CILP2: variants seen among roughly 807,000 people sequenced by gnomAD.
CILP2 encodes the protein CILP-2.
A neutral mutation model predicts 45.6 loss-of-function variants in CILP2; 38 were observed. The observed-to-expected ratio is 0.83, with a 90% CI of 0.64 to 1.09. The LOEUF (loss-of-function observed/expected upper bound fraction) is 1.09, where lower values mean the gene tolerates loss of function less well. CILP2 is among the 50% of genes least tolerant of loss of function. The pLI is 0.00. For missense variants in CILP2, 1,735 were observed against 1,662.2 expected, an observed-to-expected ratio of 1.04 and a Z score of -0.76; for synonymous variants, 780 against 723.5, an observed-to-expected ratio of 1.08 and a Z score of -1.25.
In CILP2 at chr19:19,543,905, G is replaced by C. The variant is rs137977776; in HGVS notation, c.1360G>C (p.Val454Leu). Residue 454 changes from valine to leucine, a missense_variant, in exon 8 of 8, where the codon GTC becomes CTC. Transcript: ENST00000291495. ...ERREIHCPGY[V>L]LPVKVVAECG... ...AAGGGAGATTCACTGCCCTGGCTAC[G>C]TCCTCCCAGTGAAGGTGGTGGCAGA... The C allele has an allele frequency of 5.6e-6, 9 of 1,613,628 alleles. No individual in the cohort carries two copies. The African/African-American group carries it at 9.3e-5, about 17-fold the overall frequency.
chr19:19,546,004 G>A lies in CILP2; in HGVS notation c.3459G>A (p.Arg1153=), dbSNP rs1166652721. Residue 1153 remains arginine, a synonymous_variant, in exon 8 of 8, where the codon AGG becomes AGA. Transcript: ENST00000291495. ...ASGPLRTRRG[R]VRQ ...GTCCCCTCCGCACCCGCCGGGGTAG[G>A]GTCCGGCAGTGACCTGGGCAGGGGC... The A allele has an allele frequency of 2.7e-6, 4 of 1,486,188 alleles. No individual in the cohort carries two copies. The East Asian group carries it at 9.4e-5, about 35-fold the overall frequency. 92.1% of individuals were successfully genotyped at this position (1,486,188 alleles called of 1,614,324 possible).
chr19:19,545,084 A>G lies in CILP2; in HGVS notation c.2539A>G (p.Thr847Ala), dbSNP rs1410614738. ...CCTGGACAGGCTGGGGTACCGTCGG[A>G]CGGACCACGACGATCCCGCCTTCAA... ...PYLDRLGYRR[T>A]DHDDPAFKRN... Residue 847 changes from threonine (T) to alanine (A), a missense_variant, in exon 8 of 8, where the codon ACG becomes GCG. By Grantham distance (58) the Thr-to-Ala change is moderately conservative. Coordinates refer to ENST00000291495, the MANE Select transcript of CILP2 (RefSeq NM_153221.2). 2 of 1,609,908 alleles carry G rather than the reference A, an allele frequency of 1.2e-6. No homozygotes were observed. Among genetic ancestry groups the G allele is most frequent in the East Asian group, 4.5e-5 (2 of 44,832 alleles).
At chr19:19,542,686 G>C in intron 5 of CILP2, 36 bp downstream of exon 5, 1 of 1,605,816 alleles carries the variant, frequency 6.2e-7, no homozygotes, top group African/African-American at 1.3e-5. Flanking sequence ...TGAAGGGGCT[G>C]AGGATCTGGG....
In CILP2 at chr19:19,544,000, G is replaced by A; in HGVS notation, c.1455G>A (p.Gly485=). The change falls in exon 8 of 8, where the codon GGG becomes GGA. Residue 485 remains glycine, a synonymous_variant. Coordinates refer to ENST00000291495, the MANE Select transcript of CILP2 (RefSeq NM_153221.2). ...GCCGTGTTGTGGCTGCTGACTCCGG[G>A]GAGCCGCTACGCTTCGCCAGGATTC... The part of the protein sequence containing the change: ...VRGRVVAADS[G]EPLRFARILL... The A allele has an allele frequency of 1.2e-6, 2 of 1,613,710 alleles. No individual in the cohort carries two copies. The highest frequency in any genetic ancestry group is 8.5e-7 in the Non-Finnish European group (1 of 1,179,836).
At chr19:19,540,968 T>G (rs1352965204) in intron 3 of CILP2, 123 bp from the exon 4 acceptor site, 1 of 903,836 alleles carries the variant, frequency 1.1e-6, no homozygotes, top group Non-Finnish European at 1.5e-6. Context: ...CTCTCTGGAG[T>G]GTCCGCCCTT....
rs1187696819 is a variant in CILP2 at position 19,545,950 on chromosome 19, G to T, written c.3405G>T (p.Glu1135Asp). 6 of 1,557,438 alleles carry T rather than the reference G, an allele frequency of 3.9e-6. No homozygotes were observed. Among genetic ancestry groups the T allele is most frequent in the Non-Finnish European group, 5.2e-6 (6 of 1,146,998 alleles). ...ALGDIRREMS[E>D]AAQAQARASG... is the part of the protein sequence containing the mutation. ...GTGACATCCGCAGGGAGATGAGCGA[G>T]GCGGCGCAGGCACAGGCCCGGGCCT... Residue 1135 changes from glutamate (E) to aspartate (D), a missense_variant, in exon 8 of 8, where the codon GAG becomes GAT. Glu to Asp is a conservative substitution (Grantham distance 45). Coordinates refer to ENST00000291495, the MANE Select transcript of CILP2 (RefSeq NM_153221.2).
Position 19,542,884 on chromosome 19 carries a change from C to A in CILP2, c.889C>A (p.His297Asn). ...DKLEKPYLVK[H>N]PESRVREAGQ... ...CCCAGAGAAGCCGTACCTGGTGAAACACCCTGAGTCCCGAGTGCGAGAGGC... is the reference window on the plus strand; with the variant it reads ...CCCAGAGAAGCCGTACCTGGTGAAAAACCCTGAGTCCCGAGTGCGAGAGGC... Residue 297 changes from histidine (H) to asparagine (N), a missense_variant, in exon 6 of 8, where the codon CAC becomes AAC. By Grantham distance (68) the His-to-Asn change is moderately conservative. Coordinates refer to ENST00000291495, the MANE Select transcript of CILP2 (RefSeq NM_153221.2). 1.2e-6 allele frequency: 2 copies of A among 1,613,876 alleles called. No homozygotes were observed.
In CILP2 at chr19:19,545,813, A is replaced by G; in HGVS notation, c.3268A>G (p.Arg1090Gly). The G allele has an allele frequency of 1.3e-6, 2 of 1,590,888 alleles. No individual in the cohort carries two copies. Among genetic ancestry groups the G allele is most frequent in the East Asian group, 4.5e-5 (2 of 44,400 alleles). Residue 1090 changes from arginine to glycine, a missense_variant, in exon 8 of 8, where the codon AGA becomes GGA. Coordinates refer to ENST00000291495, the MANE Select transcript of CILP2 (RefSeq NM_153221.2). ...CFDGSSDGFSREMKADAGTAV... is the reference protein window; with the variant it reads ...CFDGSSDGFSGEMKADAGTAV... The stretch of plus-strand genomic sequence containing the variant: ...TGATGGTTCCTCTGACGGCTTCTCC[A>G]GAGAGATGAAGGCTGATGCCGGCAC...
Position 19,543,344 on chromosome 19 carries a change from C to T in CILP2, c.1074C>T (p.His358=). The T allele has an allele frequency of 6.2e-7, 1 of 1,613,696 alleles. No homozygotes were observed. Among genetic ancestry groups the T allele is most frequent in the Non-Finnish European group, 8.5e-7 (1 of 1,180,016 alleles). Residue 358 remains histidine (H), a synonymous_variant, in exon 7 of 8, where the codon CAC becomes CAT. Transcript: ENST00000291495. ...GLRPDQAGIY[H]CKAWNEAGAV... ...GCCCAGACCAGGCTGGCATCTACCA[C>T]TGCAAGGCATGGAATGAGGCGGGTG...
At position 19,545,307 on chromosome 19, in the gene CILP2, C is replaced by G; in HGVS notation, c.2762C>G (p.Ser921Cys). ...CCCTTCCGAGAGGGCACACCTGCCT[C>G]CTGGACTGGCGATCTCCTGGCCTGG... ...VVPFREGTPA[S>C]WTGDLLAWWP... The change falls in exon 8 of 8, where the codon TCC becomes TGC. Residue 921 changes from serine (S) to cysteine (C), a missense_variant. Physicochemically the swap from Ser to Cys is moderately radical, Grantham distance 112 (BLOSUM62 -1). Transcript: ENST00000291495. The G allele has an allele frequency of 6.2e-7, 1 of 1,612,830 alleles. No homozygotes were observed. Among genetic ancestry groups the G allele is most frequent in the Non-Finnish European group, 8.5e-7 (1 of 1,179,904 alleles).
At position 19,538,265 on chromosome 19, in the gene CILP2, A is replaced by T. The variant is rs749552875; in HGVS notation, c.-85A>T. On this transcript the variant is annotated 5_prime_UTR_variant, in exon 1 of 8. Transcript: ENST00000291495. Reference sequence around the variant, plus strand: ...GCGGTCGCATCCCGCCCCCACTCTCAGTCCCAGCGGCCGCCAGACCCGCCG... The same window carrying T: ...GCGGTCGCATCCCGCCCCCACTCTCTGTCCCAGCGGCCGCCAGACCCGCCG... 156 of 1,302,016 alleles carry T rather than the reference A, an allele frequency of 1.2e-4. No homozygotes were observed. The highest frequency in any genetic ancestry group is 1.6e-4 in the Non-Finnish European group (155 of 945,418). 80.7% of individuals were successfully genotyped at this position (1,302,016 alleles called of 1,614,324 possible). A position where few individuals can be genotyped will look rare whatever the true frequency, so the allele number is the denominator to read the frequency against.
At position 19,540,293 on chromosome 19, in the gene CILP2, G is replaced by A. The variant is rs761229399; in HGVS notation, c.253G>A (p.Gly85Arg). 3.1e-6 allele frequency: 5 copies of A among 1,593,372 alleles called. No individual in the cohort carries two copies. The South Asian group carries it at 3.4e-5, about 11-fold the overall frequency. Residue 85 changes from glycine (G) to arginine (R), a missense_variant, in exon 3 of 8, where the codon GGG (glycine) becomes AGG (arginine). Coordinates refer to ENST00000291495, the MANE Select transcript of CILP2 (RefSeq NM_153221.2). ...ESLAAIRFYY[G>R]PARVCPRPLA... ...CCTGGCTGCCATCCGCTTCTACTAC[G>A]GGCCAGCGCGCGTGTGCCCGCGACC...
Position 19,542,886 on chromosome 19 carries a change from C to A in CILP2, c.891C>A (p.His297Gln), listed in dbSNP as rs774966489. 5.0e-6 allele frequency: 8 copies of A among 1,613,838 alleles called. No individual in the cohort carries two copies. Among genetic ancestry groups the A allele is most frequent in the Non-Finnish European group, 6.8e-6 (8 of 1,179,816 alleles). ...CAGAGAAGCCGTACCTGGTGAAACACCCTGAGTCCCGAGTGCGAGAGGCTG... is the reference window on the plus strand; with the variant it reads ...CAGAGAAGCCGTACCTGGTGAAACAACCTGAGTCCCGAGTGCGAGAGGCTG... ...DKLEKPYLVK[H>Q]PESRVREAGQ... is the part of the protein sequence containing the mutation. Residue 297 changes from histidine to glutamine, a missense_variant, in exon 6 of 8, where the codon CAC (histidine) becomes CAA (glutamine). Coordinates refer to ENST00000291495, the MANE Select transcript of CILP2 (RefSeq NM_153221.2).
chr19:19,543,716 G>T lies in CILP2; in HGVS notation c.1171G>T (p.Glu391Ter). 6.2e-6 allele frequency: 10 copies of T among 1,605,220 alleles called. No homozygotes were observed. Among genetic ancestry groups the T allele is most frequent in the Non-Finnish European group, 8.5e-6 (10 of 1,173,990 alleles). The change falls in exon 8 of 8, where the codon GAG (glutamate) becomes TAG (stop). Residue 391 changes from glutamate (E) to a stop codon, truncating the protein, a stop_gained. Transcript: ENST00000291495. LOFTEE classifies it low-confidence loss of function (END_TRUNC). Reference sequence around the variant, plus strand: ...GCCAGCCTGCGACCCCCGGCCCCGAGAGTACCTGATCAAGCTCCCTGAGGA... The same window carrying T: ...GCCAGCCTGCGACCCCCGGCCCCGATAGTACCTGATCAAGCTCCCTGAGGA... ...GQPACDPRPR[E>*]YLIKLPEDCG...
At position 19,543,866 on chromosome 19, in the gene CILP2, C is replaced by A; in HGVS notation, c.1321C>A (p.Arg441Ser). The change falls in exon 8 of 8, where the codon CGC becomes AGC. Residue 441 changes from arginine to serine, a missense_variant. Transcript: ENST00000291495. The stretch of plus-strand genomic sequence containing the variant: ...CGCCAGCTCCCGCTGCTGCTCTGTG[C>A]GCCGTCTGGAGAGAAGGGAGATTCA... ...GDASSRCCSV[R>S]RLERREIHCP... is the part of the protein sequence containing the mutation. 1 of 1,613,898 alleles carries A rather than the reference C, an allele frequency of 6.2e-7. No individual in the cohort carries two copies. Among genetic ancestry groups the A allele is most frequent in the Non-Finnish European group, 8.5e-7 (1 of 1,179,852 alleles).
In CILP2 at chr19:19,545,970, G is replaced by T; in HGVS notation, c.3425G>T (p.Arg1142Leu). ...EMSEAAQAQA[R>L]ASGPLRTRRG... ...AGCGAGGCGGCGCAGGCACAGGCCC[G>T]GGCCTCAGGTCCCCTCCGCACCCGC... is the stretch of plus-strand genomic sequence containing the variant. Residue 1142 changes from arginine to leucine, a missense_variant, in exon 8 of 8, where the codon CGG becomes CTG. Arg to Leu is a moderately radical substitution (Grantham distance 102). Transcript: ENST00000291495. 1.3e-6 allele frequency: 2 copies of T among 1,535,684 alleles called. No homozygotes were observed. The highest frequency in any genetic ancestry group is 4.6e-5 in the East Asian group (2 of 43,642).
Position 19,538,389 on chromosome 19 carries a change from G to C in CILP2, c.40G>C (p.Ala14Pro), listed in dbSNP as rs774383079. Residue 14 changes from alanine (A) to proline (P), a missense_variant, in exon 1 of 8, where the codon GCT (alanine) becomes CCT (proline). Transcript: ENST00000291495. ...LLPLLCLCVVAAHLAGARDAT... is the reference protein window; with the variant it reads ...LLPLLCLCVVPAHLAGARDAT... Reference sequence around the variant, plus strand: ...GCCACTGCTCTGTCTCTGTGTCGTCGCTGCGCACCTGGCGGGGGCCCGAGG... The same window carrying C: ...GCCACTGCTCTGTCTCTGTGTCGTCCCTGCGCACCTGGCGGGGGCCCGAGG... 1 of 1,565,440 alleles carries C rather than the reference G, an allele frequency of 6.4e-7. No homozygotes were observed.
At position 19,546,164 on chromosome 19, in the gene CILP2, C is replaced by T; in HGVS notation, c.*148C>T. ...TCCAGAACTCAGAGTCAGACAAGAA[C>T]CCAGAGCATCCGATGGTAGAAACAC... On this transcript the variant is annotated 3_prime_UTR_variant, in exon 8 of 8. Transcript: ENST00000291495. 1 of 561,378 alleles carries T rather than the reference C, an allele frequency of 1.8e-6. No individual in the cohort carries two copies. Among genetic ancestry groups the T allele is most frequent in the Non-Finnish European group, 2.9e-6 (1 of 348,282 alleles). The allele number at this position is 561,378 out of a possible 1,614,324, so 34.8% of individuals were successfully genotyped here.
At chr19:19,539,974 G>C (rs1288843276) in intron 2 of CILP2, among the ~76,000 whole-genome samples, 197 bp downstream of exon 2, 3 of 152,226 alleles carry the variant, frequency 2.0e-5, no homozygotes, top group Non-Finnish European at 4.4e-5. Context: ...ACAGAGGCAA[G>C]AGCTCAGCGC....
Sources: allele counts gnomAD v4.1 joint callset (sites outside exome capture counted in the v4.1 genomes callset), GRCh38; gene constraint gnomAD v4.1.1; transcripts MANE v1.5; gene names NCBI Gene and HGNC (gene_info 2026-07-23, HGNC 2026-07-21).